Variants in FOCAD observed in about 807,000 individuals in gnomAD.
The protein encoded by FOCAD is KIAA1797.
Under a neutral mutation model 225.6 loss-of-function variants are expected in FOCAD, and 198 were observed. That is an observed-to-expected ratio of 0.88 (90% CI 0.78 to 0.99). FOCAD has a LOEUF of 0.99. FOCAD is among the 50% of genes least tolerant of loss of function. FOCAD has a pLI of 0.00. For synonymous variants in FOCAD, 897 were observed against 755.0 expected (o/e 1.19, Z -3.08); for missense variants, 2,713 against 2,123.6 (o/e 1.28, Z -5.46).
chr9:20,769,246 G>T (rs926929643), intron 7 of FOCAD, among the ~76,000 whole-genome samples: 1 of 152,008 alleles, frequency 6.6e-6, no homozygotes, highest in Non-Finnish European at 1.5e-5. Flanking sequence ...AGTCATTTGG[G>T]TTATTATGGT....
chr9:20,929,666 C>T, intron 27 of FOCAD, 70 bp downstream of exon 27: 2 of 1,252,256 alleles, frequency 1.6e-6, no homozygotes, highest in Non-Finnish European at 2.3e-6. Context: ...CACCCATATG[C>T]ACCTATATAT....
intron 19 of FOCAD, 74 bp downstream of exon 19, chr9:20,874,881 T>C: frequency 1.3e-6 from 2 of 1,555,882 alleles, no homozygotes; most frequent in Non-Finnish European, 1.8e-6. Flanking sequence ...TCTTTTGTGA[T>C]AGGTACATAG....
chr9:20,944,483 TG>T, intron 28 of FOCAD, 143 bp from the exon 29 acceptor site: 1 of 783,998 alleles, frequency 1.3e-6, no homozygotes, highest in Non-Finnish European at 2.0e-6. Flanking sequence ...TCATGGATGA[TG>T]GGGCACACCA....
intron 16 of FOCAD, chr9:20,863,623 T>C (rs1487867028): frequency 6.6e-6 from 1 of 152,104 alleles, no homozygotes; most frequent in Non-Finnish European, 1.5e-5. Flanking sequence ...AGCCTTTTTT[T>C]AGGGTCTTAA....
intron 2 of FOCAD, 138 bp downstream of exon 2, chr9:20,715,548 T>C (rs1427549776): frequency 1.4e-5 from 5 of 357,358 alleles, no homozygotes; most frequent in Admixed American, 4.7e-5. Flanking sequence ...ACTTTAAATA[T>C]ACATTTAATT....
intron 8 of FOCAD, among the ~76,000 whole-genome samples, chr9:20,772,011 G>C (rs1183835148): frequency 1.3e-5 from 2 of 152,136 alleles, no homozygotes; most frequent in Non-Finnish European, 2.9e-5. Context: ...TTGAGGGTTA[G>C]GGCTTTAACA....
chr9:20,759,374 A>G (rs926126108), intron 6 of FOCAD, among the ~76,000 whole-genome samples: 7 of 152,206 alleles, frequency 4.6e-5, no homozygotes, highest in Non-Finnish European at 8.8e-5. Flanking sequence ...ATATAGATCA[A>G]TGGAACAGAA....
At chr9:20,796,371 C>A (rs201868392) in intron 11 of FOCAD, among the ~76,000 whole-genome samples, 16 of 152,116 alleles carry the variant, frequency 1.1e-4, no homozygotes, top group African/African-American at 3.1e-4. Context: ...CTAGTTCTAG[C>A]TCCCTGAGGA....
chr9:20,976,576 A>G (rs1242326726), intron 36 of FOCAD, 28 bp downstream of exon 36: 1 of 1,608,050 alleles, frequency 6.2e-7, no homozygotes, highest in South Asian at 1.1e-5. Context: ...TTAAGTCTTC[A>G]GACTTTGATT....
At chr9:20,683,205 T>C (rs1822459728), upstream of FOCAD, 1 of 152,204 alleles carries the variant, frequency 6.6e-6, no homozygotes, top group African/African-American at 2.4e-5. Flanking sequence ...ACAGAACTTC[T>C]TGTCTACACA....
chr9:20,873,406 C>G (rs941240067), intron 18 of FOCAD, among the ~76,000 whole-genome samples: 10 of 152,090 alleles, frequency 6.6e-5, no homozygotes, highest in African/African-American at 2.4e-4. Flanking sequence ...CTTGAAAAAC[C>G]CTCCTGGTCA....
Position 20,933,356 on chromosome 9 carries a change from T to A in FOCAD, c.3407+253T>A, listed in dbSNP as rs535217073. Reference sequence around the variant, plus strand: ...TTTGTCCCTCACCCTCTTCCCACGCTTTCTCCCTGAATCCCCAAAGTCCAG... The same window carrying A: ...TTTGTCCCTCACCCTCTTCCCACGCATTCTCCCTGAATCCCCAAAGTCCAG... On this transcript the variant is annotated intron_variant, in intron 28 of 43. Coordinates refer to ENST00000338382, the MANE Select transcript of FOCAD (RefSeq NM_001375567.1). Among the ~76,000 whole-genome samples the A allele has an allele frequency of 2.6e-5, 4 of 152,294 alleles. No homozygotes were observed. In the South Asian group the frequency reaches 6.2e-4, roughly 24 times the overall value.
chr9:20,717,456 G>C (rs890436834), intron 2 of FOCAD, among the ~76,000 whole-genome samples: 6 of 152,056 alleles, frequency 3.9e-5, no homozygotes, highest in Non-Finnish European at 8.8e-5. Context: ...AAAAACTATG[G>C]GCTTTCTCAT....
chr9:20,755,364 A>T (rs749803573), intron 5 of FOCAD, among the ~76,000 whole-genome samples: 1 of 152,244 alleles, frequency 6.6e-6, no homozygotes, highest in Non-Finnish European at 1.5e-5. Context: ...CTTCAGCATC[A>T]TGCAACAAAG....
chr9:20,910,746 T>A (rs987153645), intron 22 of FOCAD, among the ~76,000 whole-genome samples: 1 of 152,044 alleles, frequency 6.6e-6, no homozygotes, highest in African/African-American at 2.4e-5. Context: ...ATCTCTCTAT[T>A]ACCAGTAAGT....
chr9:20,691,178 A>G (rs1822953575), intron 1 of FOCAD, among the ~76,000 whole-genome samples: 1 of 152,004 alleles, frequency 6.6e-6, no homozygotes, highest in Admixed American at 6.5e-5. Context: ...CCTGACCTCA[A>G]GTGATCCACC....
chr9:20,780,164 C>G (rs1819225905), intron 9 of FOCAD, among the ~76,000 whole-genome samples: 1 of 152,220 alleles, frequency 6.6e-6, no homozygotes, highest in Non-Finnish European at 1.5e-5. Flanking sequence ...GCACCACTGT[C>G]TATCATCTGC....
chr9:20,769,909 C>T, intron 7 of FOCAD, 123 bp from the exon 8 acceptor site: 4 of 806,516 alleles, frequency 5.0e-6, no homozygotes, highest in East Asian at 2.7e-5. Flanking sequence ...AACTTTTTTT[C>T]ATCTCCTTTA....
chr9:20,860,526 GT>G (rs1828670197), intron 15 of FOCAD, among the ~76,000 whole-genome samples: 1 of 152,000 alleles, frequency 6.6e-6, no homozygotes, highest in African/African-American at 2.4e-5. Context: ...TGTTTGTTTT[GT>G]TTTGTTTTTG....
Sources: gnomAD v4.1 joint callset for allele counts (sites outside exome capture counted in the v4.1 genomes callset) on GRCh38, gnomAD v4.1.1 for gene constraint, MANE v1.5 for transcripts, NCBI Gene and HGNC (gene_info 2026-07-23, HGNC 2026-07-21) for gene names.